Variants in NR1H2 observed in about 807,000 individuals in gnomAD.
NR1H2 encodes the protein nuclear receptor subfamily 1 group H member 2, also known as oxysterols receptor LXR-beta.
NR1H2 carries 33 observed loss-of-function variants against 51.2 expected under a neutral mutation model. That is an observed-to-expected ratio of 0.64 (90% CI 0.49 to 0.86). The LOEUF (loss-of-function observed/expected upper bound fraction) is 0.86, where lower values mean the gene tolerates loss of function less well. NR1H2 is among the 40% of genes least tolerant of loss of function. The probability of loss-of-function intolerance (pLI) is 0.00; values close to 1 mark genes in which losing one functional copy is unlikely to be tolerated. For synonymous variants in NR1H2, 310 were observed against 264.3 expected, an observed-to-expected ratio of 1.17 and a Z score of -1.68; for missense variants, 592 against 639.9, an observed-to-expected ratio of 0.93 and a Z score of 0.81.
At position 50,378,200 on chromosome 19, in the gene NR1H2, C is replaced by T. The variant is rs201306720; in HGVS notation, c.233C>T (p.Ala78Val). The change falls in exon 5 of 10, where the codon GCC becomes GTC. Residue 78 changes from alanine (A) to valine (V), a missense_variant. By Grantham distance (64) the Ala-to-Val change is moderately conservative. This residue lies in a region of NR1H2 where 316 missense variants were observed against 313.4 expected (regional missense o/e 1.01). Transcript: ENST00000253727. ...GAGCGCAAGCGAAAGAAGGGCCCAG[C>T]CCCGAAGATGCTGGGCCACGAGCTT... ...EPERKRKKGP[A>V]PKMLGHELCR... 1.2e-6 allele frequency: 2 copies of T among 1,613,466 alleles called. No individual in the cohort carries two copies. The highest frequency in any genetic ancestry group is 1.7e-6 in the Non-Finnish European group (2 of 1,179,940).
Position 50,377,829 on chromosome 19 carries a change from C to G in NR1H2, c.140C>G (p.Pro47Arg). Residue 47 changes from proline (P) to arginine (R), a missense_variant, in exon 4 of 10, where the codon CCA becomes CGA. This residue lies in a region of NR1H2 where 316 missense variants were observed against 313.4 expected (regional missense o/e 1.01). Transcript: ENST00000253727. ...CCCGGGGGTCCGGACCCTGATGTCC[C>G]AGGCACTGATGAGGCCAGCTCAGCC... ...PWPGGPDPDV[P>R]GTDEASSACS... The G allele has an allele frequency of 1.2e-6, 2 of 1,605,800 alleles. No homozygotes were observed. Among genetic ancestry groups the G allele is most frequent in the Non-Finnish European group, 1.7e-6 (2 of 1,176,858 alleles).
chr19:50,380,563 C>T (rs527381617), intron 8 of NR1H2, among the ~76,000 whole-genome samples: 5 of 152,310 alleles, frequency 3.3e-5, no homozygotes, highest in Admixed American at 3.3e-4. Flanking sequence ...CGACATCTGT[C>T]CAAACCCCAC....
At chr19:50,380,748 G>T (rs1262499926) in intron 8 of NR1H2, among the ~76,000 whole-genome samples, 1 of 152,170 alleles carries the variant, frequency 6.6e-6, no homozygotes, top group East Asian at 1.9e-4. Flanking sequence ...CTACAGGGAG[G>T]CCCAGGCAGC....
At chr19:50,382,258 A>G in intron 9 of NR1H2, 84 bp downstream of exon 9, 1 of 1,378,268 alleles carries the variant, frequency 7.3e-7, no homozygotes. Flanking sequence ...TGCCAGCCAC[A>G]CTGCCCTCCC....
chr19:50,380,836 C>G (rs60674372), intron 8 of NR1H2, among the ~76,000 whole-genome samples: 2,574 of 152,302 alleles, frequency 0.017, 66 homozygotes, highest in African/African-American at 0.058. Flanking sequence ...CTGCCACCAC[C>G]CTGGAACACT....
In NR1H2 at chr19:50,379,146, G is replaced by A; in HGVS notation, c.892G>A (p.Asp298Asn). The change falls in exon 7 of 10, where the codon GAC becomes AAC. Residue 298 changes from aspartate (D) to asparagine (N), a missense_variant. By Grantham distance (23) the Asp-to-Asn change is conservative (BLOSUM62 1). Around this residue, in one of 3 missense-constraint regions of NR1H2, gnomAD observed 102 missense variants for 152.4 expected, o/e 0.67. Coordinates refer to ENST00000253727, the MANE Select transcript of NR1H2 (RefSeq NM_007121.7). ...VPGFLQLGRE[D>N]QIALLKASTI... ...TGGTTTCCTGCAGCTGGGCCGGGAG[G>A]ACCAGATCGCCCTCCTGAAGGCATC... The A allele has an allele frequency of 6.2e-7, 1 of 1,613,698 alleles. No individual in the cohort carries two copies. The highest frequency in any genetic ancestry group is 8.5e-7 in the Non-Finnish European group (1 of 1,179,866).
chr19:50,381,359 G>A (rs2037762302), intron 8 of NR1H2, among the ~76,000 whole-genome samples: 1 of 152,194 alleles, frequency 6.6e-6, no homozygotes, highest in Non-Finnish European at 1.5e-5. Flanking sequence ...CCCGCCTTGT[G>A]TAAAATAGAA....
intron 2 of NR1H2, among the ~76,000 whole-genome samples, chr19:50,377,041 G>C (rs1568593108): frequency 6.9e-6 from 1 of 144,740 alleles, no homozygotes; most frequent in Non-Finnish European, 1.5e-5. Context: ...ATGATGGGAG[G>C]GGATGGGGAC....
intron 7 of NR1H2, 99 bp downstream of exon 7, chr19:50,379,280 C>T (rs1290999842): frequency 9.4e-6 from 12 of 1,273,080 alleles, no homozygotes; most frequent in East Asian, 2.4e-5. Flanking sequence ...TGTAGGATGA[C>T]ATTCCACGGC....
chr19:50,377,408 G>T (rs923651709), intron 2 of NR1H2, 179 bp from the exon 3 acceptor site: 2 of 533,308 alleles, frequency 3.8e-6, no homozygotes, highest in Non-Finnish European at 6.6e-6. Flanking sequence ...GGAACAGAAG[G>T]GGGCAGGTCT....
chr19:50,380,275 A>G (rs2037744506), intron 8 of NR1H2, among the ~76,000 whole-genome samples: 1 of 152,164 alleles, frequency 6.6e-6, no homozygotes, highest in African/African-American at 2.4e-5. Context: ...TAGGAAAAGC[A>G]TTCCCCGCCC....
Position 50,378,513 on chromosome 19 carries a change from C to A in NR1H2, c.473-9C>A. ...CTGGGGTTCTGCTGAGGCCTGCATC[C>A]CCCTACAGGCGTCCTTTCTGAAGAA... On this transcript the variant is annotated splice_polypyrimidine_tract_variant and intron_variant, in intron 5 of 9. Transcript: ENST00000253727. The A allele has an allele frequency of 1.3e-6, 2 of 1,599,158 alleles. No individual in the cohort carries two copies. The highest frequency in any genetic ancestry group is 1.7e-6 in the Non-Finnish European group (2 of 1,170,762).
At position 50,378,730 on chromosome 19, in the gene NR1H2, C is replaced by T; in HGVS notation, c.681C>T (p.Ile227=). 1 of 1,613,862 alleles carries T rather than the reference C, an allele frequency of 6.2e-7. No homozygotes were observed. The change falls in exon 6 of 10, where the codon ATC becomes ATT. Residue 227 remains isoleucine, a synonymous_variant. Coordinates refer to ENST00000253727, the MANE Select transcript of NR1H2 (RefSeq NM_007121.7). ...TAACAGCGGCTCAAGAACTAATGAT[C>T]CAGCAGTTGGTGGCGGCCCAACTGC... is the stretch of plus-strand genomic sequence containing the variant. ...VQLTAAQELM[I]QQLVAAQLQC...
At chr19:50,379,308 A>C in intron 7 of NR1H2, 127 bp downstream of exon 7, 1 of 1,035,828 alleles carries the variant, frequency 9.7e-7, no homozygotes, top group Non-Finnish European at 1.4e-6. Flanking sequence ...GTCTTCTATG[A>C]GCCAAGGAGA....
At chr19:50,382,254 C>A in intron 9 of NR1H2, 80 bp downstream of exon 9, 1 of 1,383,234 alleles carries the variant, frequency 7.2e-7, no homozygotes, top group Non-Finnish European at 9.6e-7. Context: ...GTTCTGCCAG[C>A]CACACTGCCC....
intron 8 of NR1H2, among the ~76,000 whole-genome samples, chr19:50,381,246 C>T (rs1162216712): frequency 1.3e-5 from 2 of 152,240 alleles, no homozygotes; most frequent in African/African-American, 2.4e-5. Context: ...GGGTAGCCCC[C>T]GTCCCAAGTC....
At position 50,382,075 on chromosome 19, in the gene NR1H2, G is replaced by T. The variant is rs750391349; in HGVS notation, c.1137G>T (p.Ser379=). 5.2e-6 allele frequency: 8 copies of T among 1,552,058 alleles called. No homozygotes were observed. In the South Asian group the frequency reaches 8.3e-5, roughly 16 times the overall value. The change falls in exon 9 of 10, where the codon TCG becomes TCT. Residue 379 remains serine, a synonymous_variant. Transcript: ENST00000253727. ...TGCTCATCGCCATCAACATCTTCTC[G>T]GCCGACCGGCCCAACGTGCAGGAGC... ...YALLIAINIF[S]ADRPNVQEPG...
At chr19:50,379,608 G>C (rs777537894) in intron 7 of NR1H2, among the ~76,000 whole-genome samples, 172 bp from the exon 8 acceptor site, 4 of 152,178 alleles carry the variant, frequency 2.6e-5, no homozygotes, top group Non-Finnish European at 5.9e-5. Flanking sequence ...AGTGGAGAAA[G>C]AGCTCGGGCT....
In NR1H2 at chr19:50,378,564, A is replaced by AAC. The variant is rs869099797; in HGVS notation, c.517_518dup (p.Gln173HisfsTer48). Reference sequence around the variant, plus strand: ...CAGATCCGGAAGAAGAAGATTCGGAAACAGCAGCAGGAGTCACAGTCACAG... The same window carrying AAC: ...CAGATCCGGAAGAAGAAGATTCGGAAACACAGCAGCAGGAGTCACAGTCACAG... On this transcript the variant is annotated frameshift_variant, in exon 6 of 10. Transcript: ENST00000253727. LOFTEE classifies it high-confidence loss of function. 1 of 1,468,814 alleles carries AAC rather than the reference A, an allele frequency of 6.8e-7. No individual in the cohort carries two copies. The highest frequency in any genetic ancestry group is 9.0e-7 in the Non-Finnish European group (1 of 1,115,832). The allele number at this position is 1,468,814 out of a possible 1,614,324, so 91.0% of individuals were successfully genotyped here.
Sources: allele counts gnomAD v4.1 joint callset (sites outside exome capture counted in the v4.1 genomes callset), GRCh38; gene constraint gnomAD v4.1.1; regional missense constraint gnomAD v4.1.1; transcripts MANE v1.5; gene names NCBI Gene and HGNC (gene_info 2026-07-23, HGNC 2026-07-21).